TTC27: variants seen among roughly 807,000 people sequenced by gnomAD.
The protein encoded by TTC27 is tetratricopeptide repeat protein 27.
A neutral mutation model predicts 115.9 loss-of-function variants in TTC27; 79 were observed. That is an observed-to-expected ratio of 0.68 (90% confidence interval 0.57 to 0.82). The LOEUF is 0.82. Ranked by LOEUF, TTC27 falls within the 40% of genes least tolerant of loss-of-function variation. The pLI is 0.00. For synonymous variants in TTC27, 401 were observed against 356.0 expected, an observed-to-expected ratio of 1.13 and a Z score of -1.42; for missense variants, 1,054 against 993.1, an observed-to-expected ratio of 1.06 and a Z score of -0.82.
chr2:32,700,253 GCTC>G (rs1278215324), intron 9 of TTC27, among the ~76,000 whole-genome samples: 1 of 152,162 alleles, frequency 6.6e-6, no homozygotes, highest in African/African-American at 2.4e-5. Flanking sequence ...AGATGGGAAT[GCTC>G]CTCCAATTTT....
chr2:32,672,511 G>A (rs762128493), intron 8 of TTC27, 127 bp downstream of exon 8: 6 of 623,110 alleles, frequency 9.6e-6, no homozygotes, highest in Admixed American at 3.0e-5. Flanking sequence ...TGCTTATGAA[G>A]ATCAGAGGAA....
chr2:32,738,325 T>C (rs1668513506), intron 12 of TTC27, among the ~76,000 whole-genome samples: 1 of 152,230 alleles, frequency 6.6e-6, no homozygotes, highest in South Asian at 2.1e-4. Flanking sequence ...ATTTGCCTTA[T>C]AGGTTTTTGT....
At chr2:32,631,146 T>C (rs535403452) in intron 2 of TTC27, among the ~76,000 whole-genome samples, 3 of 151,924 alleles carry the variant, frequency 2.0e-5, no homozygotes, top group Admixed American at 6.6e-5. Context: ...TATACAAAAA[T>C]ACAAAAATTA....
At chr2:32,628,795 T>A (rs2063534424) in intron 1 of TTC27, among the ~76,000 whole-genome samples, 1 of 151,944 alleles carries the variant, frequency 6.6e-6, no homozygotes, top group Admixed American at 6.6e-5. Flanking sequence ...GGAGTTTTGC[T>A]TTTTGCCCAG....
intron 15 of TTC27, among the ~76,000 whole-genome samples, chr2:32,786,366 T>C (rs1572612512): frequency 1.3e-5 from 2 of 152,106 alleles, no homozygotes; most frequent in Non-Finnish European, 2.9e-5. Context: ...CTCGAACTCC[T>C]GACCTCAGGT....
At position 32,628,194 on chromosome 2, in the gene TTC27, G is replaced by T. The variant is rs1397091879; in HGVS notation, c.-99G>T. 2.6e-6 allele frequency: 3 copies of T among 1,150,100 alleles called. No homozygotes were observed. Among genetic ancestry groups the T allele is most frequent in the Non-Finnish European group, 3.8e-6 (3 of 791,200 alleles). 71.2% of individuals were successfully genotyped at this position (1,150,100 alleles called of 1,614,324 possible). On this transcript the variant is annotated 5_prime_UTR_variant, in exon 1 of 20. Transcript: ENST00000317907. ...GTATTTACGGTAACTGTCGCCACTAGATTTCAGCGCCTTTGGACTCTCCTG... is the reference window on the plus strand; with the variant it reads ...GTATTTACGGTAACTGTCGCCACTATATTTCAGCGCCTTTGGACTCTCCTG...
intron 3 of TTC27, among the ~76,000 whole-genome samples, chr2:32,639,936 T>C (rs1664575877): frequency 6.6e-6 from 1 of 152,170 alleles, no homozygotes; most frequent in East Asian, 1.9e-4. Context: ...GAGATGGAAG[T>C]TGCAGTGAGC....
At chr2:32,646,471 C>G (rs1377949306) in intron 4 of TTC27, among the ~76,000 whole-genome samples, 2 of 151,158 alleles carry the variant, frequency 1.3e-5, no homozygotes, top group African/African-American at 2.4e-5. Context: ...TGCCAGCCCT[C>G]TATTTTTATA....
At chr2:32,762,172 G>A (rs555901232) in intron 13 of TTC27, among the ~76,000 whole-genome samples, 3 of 152,272 alleles carry the variant, frequency 2.0e-5, no homozygotes, top group East Asian at 1.9e-4. Flanking sequence ...TGTTGGAGTC[G>A]GCTTTGAAAG....
intron 16 of TTC27, among the ~76,000 whole-genome samples, chr2:32,796,337 A>G (rs1450909471): frequency 6.6e-6 from 1 of 152,246 alleles, no homozygotes; most frequent in Non-Finnish European, 1.5e-5. Context: ...ATGTTCATGG[A>G]TTGAAAAACT....
chr2:32,785,853 CA>C, intron 15 of TTC27, among the ~76,000 whole-genome samples: 1 of 152,186 alleles, frequency 6.6e-6, no homozygotes, highest in Non-Finnish European at 1.5e-5. Flanking sequence ...CTCAGCCTCC[CA>C]AAGTGCTGGG....
intron 8 of TTC27, 21 bp from the exon 9 acceptor site, chr2:32,678,835 C>G: frequency 6.4e-7 from 1 of 1,572,188 alleles, no homozygotes; most frequent in Non-Finnish European, 8.7e-7. Flanking sequence ...AATTAATTTA[C>G]CTTTTTTTCT....
chr2:32,662,017 T>C (rs1665566627), intron 5 of TTC27, among the ~76,000 whole-genome samples: 1 of 152,162 alleles, frequency 6.6e-6, no homozygotes, highest in Admixed American at 6.6e-5. Flanking sequence ...CTGCATCTAT[T>C]GAGATAATCT....
At chr2:32,669,382 G>C (rs1396217365) in intron 7 of TTC27, among the ~76,000 whole-genome samples, 1 of 152,222 alleles carries the variant, frequency 6.6e-6, no homozygotes, top group Non-Finnish European at 1.5e-5. Context: ...AGTACAAGTT[G>C]TATGCTGTAG....
chr2:32,707,590 TA>T (rs1448768375), intron 10 of TTC27, among the ~76,000 whole-genome samples: 3 of 152,214 alleles, frequency 2.0e-5, no homozygotes, highest in Non-Finnish European at 4.4e-5. Flanking sequence ...TCCTAATTAA[TA>T]TTCCCTTATT....
chr2:32,815,493 T>C (rs1671473423), intron 18 of TTC27, among the ~76,000 whole-genome samples: 1 of 152,102 alleles, frequency 6.6e-6, no homozygotes, highest in African/African-American at 2.4e-5. Flanking sequence ...CGCCTCAGCC[T>C]CCCAAAGTGC....
intron 9 of TTC27, among the ~76,000 whole-genome samples, chr2:32,693,171 C>T (rs1447768567): frequency 1.3e-5 from 2 of 151,930 alleles, no homozygotes; most frequent in Admixed American, 6.6e-5. Context: ...GTTGTTTTTT[C>T]GTGAAGCTAA....
chr2:32,640,765 C>T (rs1664615035), intron 4 of TTC27, among the ~76,000 whole-genome samples: 1 of 152,016 alleles, frequency 6.6e-6, no homozygotes, highest in Admixed American at 6.6e-5. Context: ...GACGGGTCAC[C>T]TGAGGTCAGG....
At chr2:32,707,937 C>T (rs969530831) in intron 10 of TTC27, among the ~76,000 whole-genome samples, 1 of 151,312 alleles carries the variant, frequency 6.6e-6, no homozygotes, top group African/African-American at 2.4e-5. Flanking sequence ...TCTTGTAGTG[C>T]CAGGAAGTAA....
Sources: allele counts gnomAD v4.1 joint callset (sites outside exome capture counted in the v4.1 genomes callset), GRCh38; gene constraint gnomAD v4.1.1; transcripts MANE v1.5; gene names NCBI Gene and HGNC (gene_info 2026-07-23, HGNC 2026-07-21).